The following MAP2K6 variants were observed in gnomAD, a reference collection of about 807,000 sequenced individuals.
MAP2K6 encodes the protein dual specificity mitogen-activated protein kinase kinase 6.
A neutral mutation model predicts 53.7 loss-of-function variants in MAP2K6; 16 were observed. The observed-to-expected ratio is 0.30, with a 90% CI of 0.20 to 0.45. The LOEUF (loss-of-function observed/expected upper bound fraction) is 0.45. Ranked by LOEUF, MAP2K6 falls within the 20% of genes least tolerant of loss-of-function variation. The pLI is 1.00. For synonymous variants in MAP2K6, 132 were observed against 143.1 expected (o/e 0.92, Z 0.55); for missense variants, 204 against 411.9 (o/e 0.50, Z 4.37).
At chr17:69,487,635 C>T (rs1307727025) in intron 1 of MAP2K6, among the ~76,000 whole-genome samples, 1 of 152,198 alleles carries the variant, frequency 6.6e-6, no homozygotes, top group Non-Finnish European at 1.5e-5. Flanking sequence ...TTAATAACAT[C>T]CCAAGTTTTC....
chr17:69,469,444 C>T (rs563920890), intron 1 of MAP2K6, among the ~76,000 whole-genome samples: 2 of 152,222 alleles, frequency 1.3e-5, no homozygotes, highest in South Asian at 4.1e-4. Context: ...TTCTGCCTAC[C>T]ACAAAGGTAG....
chr17:69,416,267 A>G (rs1473257298), intron 1 of MAP2K6, among the ~76,000 whole-genome samples: 3 of 152,152 alleles, frequency 2.0e-5, no homozygotes, highest in East Asian at 1.9e-4. Context: ...CAGCAGCCCA[A>G]GAAGGAAGTA....
In MAP2K6 at chr17:69,545,415, A is replaced by G. The variant is rs918861863; in HGVS notation, c.*3662A>G. ...GGTCACACTGATTTAATCAGAACAA[A>G]TGGGTTAAATAAGCAGCTTTTATCA... On this transcript the variant is annotated 3_prime_UTR_variant, in exon 12 of 12. Transcript: ENST00000590474. The G allele has an allele frequency of 6.6e-6, 1 of 152,222 alleles. No individual in the cohort carries two copies. The highest frequency in any genetic ancestry group is 2.4e-5 in the African/African-American group (1 of 41,456). The allele number at this position is 152,222 out of a possible 1,614,324, so 9.4% of individuals were successfully genotyped here. A position where few individuals can be genotyped will look rare whatever the true frequency, so the allele number is the denominator to read the frequency against.
intron 10 of MAP2K6, among the ~76,000 whole-genome samples, chr17:69,528,127 G>A (rs1408625123): frequency 2.3e-4 from 15 of 64,674 alleles, no homozygotes; most frequent in South Asian, 4.9e-4. Context: ...AAAAAAAAAA[G>A]CTGTGAATAC....
chr17:69,484,608 A>T (rs1316315726), intron 1 of MAP2K6, among the ~76,000 whole-genome samples: 2 of 152,114 alleles, frequency 1.3e-5, no homozygotes, highest in African/African-American at 4.8e-5. Context: ...ACGTATGCTC[A>T]CTCAAAAAAC....
chr17:69,488,598 G>C (rs1189908101), intron 1 of MAP2K6, among the ~76,000 whole-genome samples: 2 of 152,136 alleles, frequency 1.3e-5, no homozygotes, highest in Non-Finnish European at 2.9e-5. Flanking sequence ...CTATAAAAAA[G>C]AACAAAAGCA....
chr17:69,426,116 CTT>C (rs1387883368), intron 1 of MAP2K6, among the ~76,000 whole-genome samples: 1 of 152,214 alleles, frequency 6.6e-6, no homozygotes, highest in Non-Finnish European at 1.5e-5. Context: ...GGCCTCAACT[CTT>C]GGGCTCAAAC....
At chr17:69,416,913 C>T (rs959922752) in intron 1 of MAP2K6, among the ~76,000 whole-genome samples, 6 of 152,122 alleles carry the variant, frequency 3.9e-5, no homozygotes, top group Non-Finnish European at 8.8e-5. Flanking sequence ...TCACTATGAA[C>T]GTGGCTCCCT....
At chr17:69,539,428 A>G (rs1334016882) in intron 11 of MAP2K6, among the ~76,000 whole-genome samples, 6 of 152,040 alleles carry the variant, frequency 3.9e-5, no homozygotes, top group Non-Finnish European at 7.4e-5. Context: ...TGCTAATCTT[A>G]ATCCATTGCT....
At position 69,471,443 on chromosome 17, in the gene MAP2K6, T is replaced by C. The variant is rs1011717433; in HGVS notation, c.17-34337T>C. On this transcript the variant is annotated intron_variant, in intron 1 of 11. Transcript: ENST00000590474. ...GGGACAGAAAACAAAATACTGCATG[T>C]TCTCACTTATATGCTGGAGCTAAAC... Among the ~76,000 whole-genome samples, 4 of 152,340 alleles carry C rather than the reference T, an allele frequency of 2.6e-5. No individual in the cohort carries two copies. The East Asian group carries it at 7.7e-4, about 29-fold the overall frequency.
intron 1 of MAP2K6, among the ~76,000 whole-genome samples, chr17:69,427,824 G>A (rs1472145800): frequency 6.6e-6 from 1 of 152,154 alleles, no homozygotes; most frequent in Non-Finnish European, 1.5e-5. Context: ...CTCTATTTTT[G>A]TAAGGAAAGT....
intron 1 of MAP2K6, among the ~76,000 whole-genome samples, chr17:69,457,039 GA>G (rs1485837368): frequency 2.2e-4 from 34 of 152,216 alleles, no homozygotes; most frequent in Non-Finnish European, 7.4e-5. Flanking sequence ...TTCCCTTCTA[GA>G]ACATCTCCTT....
At chr17:69,416,778 G>A (rs1905917029) in intron 1 of MAP2K6, among the ~76,000 whole-genome samples, 1 of 152,190 alleles carries the variant, frequency 6.6e-6, no homozygotes, top group Non-Finnish European at 1.5e-5. Context: ...GTTTAAAAAT[G>A]GAAGTGATTT....
At chr17:69,435,999 C>A in intron 1 of MAP2K6, among the ~76,000 whole-genome samples, 1 of 141,464 alleles carries the variant, frequency 7.1e-6, no homozygotes. Context: ...ATGTTCCAAT[C>A]ATTTGGAATC....
At chr17:69,490,038 A>G (rs1455580236) in intron 1 of MAP2K6, among the ~76,000 whole-genome samples, 4 of 152,230 alleles carry the variant, frequency 2.6e-5, no homozygotes, top group Admixed American at 2.0e-4. Flanking sequence ...TTTGAGTTAC[A>G]GGGTAAAGAA....
intron 1 of MAP2K6, chr17:69,434,633 A>G (rs903909172): frequency 6.6e-6 from 1 of 152,142 alleles, no homozygotes; most frequent in African/African-American, 2.4e-5. Context: ...GCAAAGCCAC[A>G]CCTAACATGG....
At chr17:69,434,311 A>G (rs1906568258) in intron 1 of MAP2K6, 1 of 152,172 alleles carries the variant, frequency 6.6e-6, no homozygotes, top group African/African-American at 2.4e-5. Flanking sequence ...AGGTCTGATT[A>G]TACGGTTTTC....
At chr17:69,463,503 CATAT>C (rs1203214672) in intron 1 of MAP2K6, among the ~76,000 whole-genome samples, 110 of 149,624 alleles carry the variant, frequency 7.4e-4, no homozygotes, top group African/African-American at 2.5e-3. Flanking sequence ...CACACACACA[CATAT>C]GTATATATAT....
In MAP2K6 at chr17:69,476,588, T is replaced by G. The variant is rs796841656; in HGVS notation, c.17-29192T>G. Among the ~76,000 whole-genome samples, 28 of 152,328 alleles carry G rather than the reference T, an allele frequency of 1.8e-4. 1 individual carries two copies. The highest frequency in any genetic ancestry group is 6.7e-4 in the African/African-American group (28 of 41,568). ...AATGTTGTGTGGGATACTACACTGA[T>G]AGATTAGGCATTCTTATGTTCTCAA... On this transcript the variant is annotated intron_variant, in intron 1 of 11. Transcript: ENST00000590474.
Sources: allele counts gnomAD v4.1 joint callset (sites outside exome capture counted in the v4.1 genomes callset), GRCh38; gene constraint gnomAD v4.1.1; transcripts MANE v1.5; gene names NCBI Gene and HGNC (gene_info 2026-07-23, HGNC 2026-07-21).